PDE4D: variants seen among roughly 807,000 people sequenced by gnomAD.
PDE4D encodes the protein phosphodiesterase 4D, also known as 3',5'-cyclic-AMP phosphodiesterase 4D.
PDE4D carries 24 observed loss-of-function variants against 87.4 expected under a neutral mutation model. The ratio of observed to expected loss-of-function variants is 0.27; its 90% CI spans 0.20 to 0.39. The LOEUF is 0.39. Ranked by LOEUF, PDE4D falls within the 10% of genes least tolerant of loss-of-function variation. PDE4D has a pLI of 1.00. For synonymous variants in PDE4D, 384 were observed against 383.2 expected (o/e 1.00, Z -0.02); for missense variants, 714 against 1,041.0 (o/e 0.69, Z 4.32).
chr5:59,198,853 T>C (rs191443632), intron 2 of PDE4D, among the ~76,000 whole-genome samples: 109 of 152,220 alleles, frequency 7.2e-4, no homozygotes, highest in African/African-American at 2.5e-3. Flanking sequence ...ATGCCCACAC[T>C]CTTATGGTGA....
At chr5:60,260,718 T>C (rs1749563071) in intron 1 of PDE4D, among the ~76,000 whole-genome samples, 1 of 152,096 alleles carries the variant, frequency 6.6e-6, no homozygotes, top group Non-Finnish European at 1.5e-5. Context: ...ATCATCCCTA[T>C]GGAGAAGATG....
intron 1 of PDE4D, among the ~76,000 whole-genome samples, chr5:59,573,050 G>T (rs566327971): frequency 6.6e-6 from 1 of 152,266 alleles, no homozygotes; most frequent in African/African-American, 2.4e-5. Flanking sequence ...TGGACACGGG[G>T]ATTTGTGTTT....
At chr5:60,025,900 A>C (rs1009832515) in intron 2 of PDE4D, among the ~76,000 whole-genome samples, 1 of 152,104 alleles carries the variant, frequency 6.6e-6, no homozygotes. Flanking sequence ...CAAACAAACA[A>C]ATCCTAAATA....
intron 1 of PDE4D, among the ~76,000 whole-genome samples, chr5:59,722,681 T>G (rs1183622172): frequency 6.6e-6 from 1 of 152,156 alleles, no homozygotes; most frequent in East Asian, 1.9e-4. Flanking sequence ...TAATTATTTC[T>G]TATAGAGTTA....
At chr5:60,228,503 C>T (rs1276066149) in intron 1 of PDE4D, among the ~76,000 whole-genome samples, 2 of 100,946 alleles carry the variant, frequency 2.0e-5, no homozygotes, top group East Asian at 3.4e-3. Flanking sequence ...TACTTGGGTG[C>T]CCCCCAATGA....
intron 1 of PDE4D, among the ~76,000 whole-genome samples, chr5:59,258,076 TC>T (rs1761311979): frequency 6.6e-6 from 1 of 151,980 alleles, no homozygotes. Flanking sequence ...ATCTTTCACT[TC>T]TTTTCCTTTT....
chr5:59,150,316 A>G (rs550263041), intron 5 of PDE4D, among the ~76,000 whole-genome samples: 28 of 152,284 alleles, frequency 1.8e-4, no homozygotes, highest in Non-Finnish European at 3.5e-4. Context: ...ATTGGCCAAC[A>G]TACTTCTGGA....
intron 1 of PDE4D, among the ~76,000 whole-genome samples, chr5:59,334,247 GTTTT>G (rs564248041): frequency 1.0e-5 from 1 of 98,610 alleles, no homozygotes; most frequent in African/African-American, 4.1e-5. Context: ...ATCCAGTGGA[GTTTT>G]TTTTTTTTTT....
At chr5:59,594,120 G>A (rs1210256628) in intron 1 of PDE4D, among the ~76,000 whole-genome samples, 2 of 147,502 alleles carry the variant, frequency 1.4e-5, no homozygotes, top group South Asian at 2.2e-4. Context: ...TCCAGCCCAC[G>A]TTAGCCATTC....
chr5:60,078,318 T>C (rs1350436097), intron 2 of PDE4D, among the ~76,000 whole-genome samples: 1 of 152,264 alleles, frequency 6.6e-6, no homozygotes, highest in Non-Finnish European at 1.5e-5. Context: ...TTTATCACTA[T>C]GAAATTCCCT....
At chr5:59,981,012 G>C (rs1052136619) in intron 3 of PDE4D, among the ~76,000 whole-genome samples, 2 of 152,158 alleles carry the variant, frequency 1.3e-5, no homozygotes, top group Non-Finnish European at 2.9e-5. Flanking sequence ...AGCACTTTGG[G>C]AGGCTGAGGC....
chr5:59,251,924 GA>G (rs145077395), intron 1 of PDE4D, among the ~76,000 whole-genome samples: 6,967 of 152,138 alleles, frequency 0.046, 217 homozygotes, highest in African/African-American at 0.087. Flanking sequence ...CACAGAAACA[GA>G]AAACCAAATA....
At chr5:60,034,505 T>G (rs933047624) in intron 2 of PDE4D, among the ~76,000 whole-genome samples, 1 of 152,160 alleles carries the variant, frequency 6.6e-6, no homozygotes, top group Non-Finnish European at 1.5e-5. Flanking sequence ...CCTTCCTGCC[T>G]CTCTCTTAAA....
chr5:60,450,726 T>C (rs1416139451), intron 1 of PDE4D, among the ~76,000 whole-genome samples: 2 of 152,144 alleles, frequency 1.3e-5, no homozygotes, highest in Non-Finnish European at 2.9e-5. Context: ...TTCATTGACC[T>C]GGCCAAATTG....
intron 1 of PDE4D, among the ~76,000 whole-genome samples, chr5:59,331,016 G>C (rs16889611): frequency 0.03 from 4,540 of 152,158 alleles, 161 homozygotes; most frequent in African/African-American, 0.079. Flanking sequence ...TTCCAGTCTT[G>C]AGAGCTCCGT....
chr5:59,107,993 A>T (rs1771918230), intron 5 of PDE4D, among the ~76,000 whole-genome samples: 1 of 152,212 alleles, frequency 6.6e-6, no homozygotes, highest in South Asian at 2.1e-4. Context: ...CCCAGCCTCC[A>T]GTCTACTGGA....
intron 2 of PDE4D, among the ~76,000 whole-genome samples, chr5:60,038,047 G>A (rs377442469): frequency 6.6e-5 from 10 of 152,018 alleles, no homozygotes; most frequent in African/African-American, 1.2e-4. Context: ...TGAGTAGGTC[G>A]CGAAAATTTT....
chr5:59,493,643 G>A (rs138636069), intron 1 of PDE4D, among the ~76,000 whole-genome samples: 1 of 152,296 alleles, frequency 6.6e-6, no homozygotes, highest in East Asian at 1.9e-4. Context: ...CTCAGTTTTA[G>A]AGACCAAATG....
chr5:60,095,082 G>A (rs1775539857), intron 2 of PDE4D, among the ~76,000 whole-genome samples: 1 of 151,932 alleles, frequency 6.6e-6, no homozygotes, highest in Non-Finnish European at 1.5e-5. Context: ...TAAGTTCTGG[G>A]ATACATGTGC....
Sources: allele counts gnomAD v4.1 joint callset (sites outside exome capture counted in the v4.1 genomes callset), GRCh38; gene constraint gnomAD v4.1.1; transcripts MANE v1.5; gene names NCBI Gene and HGNC (gene_info 2026-07-23, HGNC 2026-07-21).